Variants in FGF14 observed in about 807,000 individuals in gnomAD.
The protein encoded by FGF14 is fibroblast growth factor homologous factor 4.
Under a neutral mutation model 25.5 loss-of-function variants are expected in FGF14, and 5 were observed. That is an observed-to-expected ratio of 0.20 (90% CI 0.10 to 0.41). FGF14 has a LOEUF of 0.41. FGF14 is among the 10% of genes least tolerant of loss of function. The probability of loss-of-function intolerance (pLI) is 1.00; values close to 1 mark genes in which losing one functional copy is unlikely to be tolerated. For synonymous variants in FGF14, 138 were observed against 118.3 expected, an observed-to-expected ratio of 1.17 and a Z score of -1.08; for missense variants, 222 against 320.1, an observed-to-expected ratio of 0.69 and a Z score of 2.34.
intron 1 of FGF14, among the ~76,000 whole-genome samples, chr13:102,222,907 G>A (rs556293597): frequency 6.6e-6 from 1 of 152,140 alleles, no homozygotes; most frequent in Non-Finnish European, 1.5e-5. Flanking sequence ...CTCCATTAAC[G>A]CAGCCCAAGA....
chr13:102,082,479 A>G (rs1364364720), intron 1 of FGF14, among the ~76,000 whole-genome samples: 1 of 152,208 alleles, frequency 6.6e-6, no homozygotes, highest in Non-Finnish European at 1.5e-5. Context: ...GAAAATCAAC[A>G]ACCACAACAA....
chr13:102,352,999 C>A (rs185970489), intron 1 of FGF14, among the ~76,000 whole-genome samples: 2 of 152,196 alleles, frequency 1.3e-5, no homozygotes, highest in Non-Finnish European at 2.9e-5. Flanking sequence ...TTTAGATTTA[C>A]TTTCATCTTC....
chr13:102,280,551 G>A (rs899421402), intron 1 of FGF14, among the ~76,000 whole-genome samples: 1 of 152,112 alleles, frequency 6.6e-6, no homozygotes, highest in Non-Finnish European at 1.5e-5. Flanking sequence ...GGAAAAGGAG[G>A]TCAATTTAAA....
At chr13:101,947,093 C>T (rs967173606) in intron 1 of FGF14, among the ~76,000 whole-genome samples, 1 of 152,100 alleles carries the variant, frequency 6.6e-6, no homozygotes, top group Non-Finnish European at 1.5e-5. Flanking sequence ...AAAAAATGCT[C>T]ATTATCACTA....
chr13:101,783,085 G>A (rs527319423), intron 3 of FGF14, among the ~76,000 whole-genome samples: 1 of 152,186 alleles, frequency 6.6e-6, no homozygotes, highest in African/African-American at 2.4e-5. Flanking sequence ...GGTATTAGAT[G>A]GTATCTCATT....
chr13:102,237,496 G>A (rs997504704), intron 1 of FGF14, among the ~76,000 whole-genome samples: 3 of 150,566 alleles, frequency 2.0e-5, no homozygotes, highest in Admixed American at 6.7e-5. Context: ...GCTCACAATT[G>A]AACATCTGTT....
At chr13:101,735,049 G>T (rs2036080994) in intron 3 of FGF14, among the ~76,000 whole-genome samples, 1 of 152,148 alleles carries the variant, frequency 6.6e-6, no homozygotes, top group African/African-American at 2.4e-5. Flanking sequence ...GTGCAGCTGG[G>T]ATTGCCCTCC....
chr13:102,283,390 A>G (rs1243184399), intron 1 of FGF14, among the ~76,000 whole-genome samples: 3 of 152,224 alleles, frequency 2.0e-5, no homozygotes, highest in Non-Finnish European at 4.4e-5. Flanking sequence ...AGTCTCTGCT[A>G]TAACAGGTCC....
intron 3 of FGF14, among the ~76,000 whole-genome samples, chr13:101,852,335 C>T (rs1006080316): frequency 3.9e-5 from 6 of 152,054 alleles, no homozygotes; most frequent in African/African-American, 1.2e-4. Flanking sequence ...CCTAATTACC[C>T]ACAAGCATGA....
chr13:101,893,328 A>T (rs2030062040), intron 1 of FGF14, among the ~76,000 whole-genome samples: 1 of 152,102 alleles, frequency 6.6e-6, no homozygotes, highest in Non-Finnish European at 1.5e-5. Flanking sequence ...TACCATCACA[A>T]TATTCTGCAG....
chr13:101,742,815 T>A (rs2036639629), intron 3 of FGF14, among the ~76,000 whole-genome samples: 1 of 152,162 alleles, frequency 6.6e-6, no homozygotes, highest in Non-Finnish European at 1.5e-5. Context: ...CCTCGCAATT[T>A]GTCCACAAGG....
At chr13:102,193,366 G>A (rs2049204178) in intron 1 of FGF14, among the ~76,000 whole-genome samples, 1 of 152,092 alleles carries the variant, frequency 6.6e-6, no homozygotes, top group Admixed American at 6.6e-5. Flanking sequence ...TCATCTAACT[G>A]TAATTACAAC....
intron 1 of FGF14, among the ~76,000 whole-genome samples, chr13:101,956,100 C>T (rs1279622948): frequency 6.6e-6 from 1 of 152,190 alleles, no homozygotes; most frequent in Non-Finnish European, 1.5e-5. Context: ...ATATTTCCTG[C>T]AACCTCTGCA....
chr13:102,029,519 T>A (rs1234009224), intron 1 of FGF14, among the ~76,000 whole-genome samples: 1 of 140,220 alleles, frequency 7.1e-6, no homozygotes, highest in Non-Finnish European at 1.6e-5. Flanking sequence ...CAACATGAAT[T>A]GTGTCATTAC....
intron 1 of FGF14, among the ~76,000 whole-genome samples, chr13:102,206,978 CAGAAACA>C (rs1345435410): frequency 6.6e-6 from 1 of 151,936 alleles, no homozygotes; most frequent in African/African-American, 2.4e-5. Context: ...ATAAAAAGGT[CAGAAACA>C]AGTTTTCCCC....
At chr13:101,735,670 GAAAA>G (rs548510485) in intron 3 of FGF14, among the ~76,000 whole-genome samples, 1 of 127,900 alleles carries the variant, frequency 7.8e-6, no homozygotes, top group Non-Finnish European at 1.7e-5. Flanking sequence ...ATCCCCATAG[GAAAA>G]AAAAAAAAAA....
At chr13:102,105,200 ATGATCTGC>A (rs2044850699) in intron 1 of FGF14, among the ~76,000 whole-genome samples, 1 of 152,240 alleles carries the variant, frequency 6.6e-6, no homozygotes, top group South Asian at 2.1e-4. Flanking sequence ...GCAGTGTATT[ATGATCTGC>A]TGATGGAGGT....
chr13:102,402,007 A>G, upstream of FGF14: 1 of 380,632 alleles, frequency 2.6e-6, no homozygotes, highest in Non-Finnish European at 4.8e-6. Context: ...GATTCATCTT[A>G]CTGAGAGAAG....
At chr13:101,922,450 G>C (rs1269116719) in intron 1 of FGF14, among the ~76,000 whole-genome samples, 1 of 151,956 alleles carries the variant, frequency 6.6e-6, no homozygotes, top group Non-Finnish European at 1.5e-5. Context: ...AAGGACTTCT[G>C]GTATTTGTGA....
Sources: allele counts gnomAD v4.1 joint callset (sites outside exome capture counted in the v4.1 genomes callset), GRCh38; gene constraint gnomAD v4.1.1; transcripts MANE v1.5; gene names NCBI Gene and HGNC (gene_info 2026-07-23, HGNC 2026-07-21).